PEX7: variants seen among roughly 807,000 people sequenced by gnomAD.
PEX7 encodes peroxisomal biogenesis factor 7.
A neutral mutation model predicts 47.5 loss-of-function variants in PEX7; 34 were observed. The ratio of observed to expected loss-of-function variants is 0.72; its 90% CI spans 0.54 to 0.95. The LOEUF (loss-of-function observed/expected upper bound fraction) is 0.95, where lower values mean the gene tolerates loss of function less well. Among genes scored for constraint, PEX7 ranks in the 40% least tolerant of loss-of-function variants. The pLI is 0.00. For missense variants in PEX7, 394 were observed against 400.3 expected (o/e 0.98, Z 0.13); for synonymous variants, 141 against 148.8 (o/e 0.95, Z 0.38).
intron 8 of PEX7, among the ~76,000 whole-genome samples, chr6:136,887,244 ATAATT>A (rs1414816437): frequency 1.3e-5 from 2 of 152,152 alleles, no homozygotes; most frequent in African/African-American, 4.8e-5. Flanking sequence ...TAGCTATATT[ATAATT>A]TAATTGTATA....
Position 136,913,525 on chromosome 6 carries a change from G to A in PEX7, c.971G>A (p.Ter324=), listed in dbSNP as rs374574552. Residue 324 remains the stop codon, a stop_retained_variant, in exon 10 of 10, where the codon TGA becomes TAA. Transcript: ENST00000318471. ...YDPACLTIPA[*] Reference sequence around the variant, plus strand: ...CCTGCTTGTCTTACTATTCCTGCTTGAGATACACTACTTTGGTCAGAAACA... The same window carrying A: ...CCTGCTTGTCTTACTATTCCTGCTTAAGATACACTACTTTGGTCAGAAACA... 8.3e-5 allele frequency: 133 copies of A among 1,600,912 alleles called. No individual in the cohort carries two copies. Among genetic ancestry groups the A allele is most frequent in the Non-Finnish European group, 1.1e-4 (125 of 1,168,564 alleles).
intron 1 of PEX7, chr6:136,823,017 C>G: frequency 6.1e-6 from 6 of 985,448 alleles, no homozygotes; most frequent in Non-Finnish European, 7.2e-6. Context: ...TGTGCAAGTG[C>G]ATATACGTGT....
chr6:136,824,432 G>T (rs1774151653), intron 1 of PEX7, among the ~76,000 whole-genome samples: 1 of 151,990 alleles, frequency 6.6e-6, no homozygotes, highest in Non-Finnish European at 1.5e-5. Context: ...TCCGGAACTG[G>T]GTGCAAGCGA....
At chr6:136,845,793 T>G (rs1774587343) in intron 4 of PEX7, 101 bp downstream of exon 4, 1 of 818,660 alleles carries the variant, frequency 1.2e-6, no homozygotes. Context: ...GCTCTATGAT[T>G]CGACAGCTGA....
intron 3 of PEX7, chr6:136,830,258 G>T: frequency 2.1e-6 from 1 of 480,978 alleles, no homozygotes; most frequent in Non-Finnish European, 3.6e-6. Context: ...ATATGAGCTA[G>T]TATTATTATT....
intron 8 of PEX7, among the ~76,000 whole-genome samples, chr6:136,877,033 A>G (rs894792269): frequency 8.5e-5 from 13 of 152,134 alleles, no homozygotes; most frequent in Admixed American, 7.2e-4. Flanking sequence ...TCACCATTCT[A>G]ACTGTTGTGA....
chr6:136,913,324 T>C (rs750649382), intron 9 of PEX7, 134 bp from the exon 10 acceptor site: 24 of 704,076 alleles, frequency 3.4e-5, no homozygotes, highest in Middle Eastern at 2.6e-4. Context: ...AACGTAGCCC[T>C]ATGTTTTCCC....
intron 5 of PEX7, among the ~76,000 whole-genome samples, chr6:136,864,797 G>T (rs1327638811): frequency 1.3e-5 from 2 of 152,116 alleles, no homozygotes; most frequent in African/African-American, 4.8e-5. Flanking sequence ...CTTAGACAGC[G>T]CTGCATGTTG....
intron 9 of PEX7, among the ~76,000 whole-genome samples, chr6:136,903,168 G>A (rs1377225205): frequency 6.6e-6 from 1 of 151,978 alleles, no homozygotes; most frequent in Non-Finnish European, 1.5e-5. Flanking sequence ...ATCCAGAAGT[G>A]ACTACCCCTG....
chr6:136,870,120 T>G, intron 7 of PEX7, 117 bp downstream of exon 7: 1 of 637,710 alleles, frequency 1.6e-6, no homozygotes, highest in Non-Finnish European at 2.5e-6. Flanking sequence ...CTTTTTTATA[T>G]GTGTTTTTGT....
chr6:136,833,187 A>G (rs1041291480), intron 3 of PEX7, among the ~76,000 whole-genome samples: 39 of 152,148 alleles, frequency 2.6e-4, no homozygotes, highest in African/African-American at 9.2e-4. Context: ...TAGGAAACTT[A>G]CAATCATGGT....
intron 8 of PEX7, among the ~76,000 whole-genome samples, chr6:136,886,700 T>G (rs1478969011): frequency 6.6e-6 from 1 of 152,108 alleles, no homozygotes; most frequent in East Asian, 1.9e-4. Flanking sequence ...TGGTGCAGCA[T>G]GAACCAGGAC....
intron 9 of PEX7, among the ~76,000 whole-genome samples, chr6:136,912,328 T>C (rs1457841729): frequency 6.6e-6 from 1 of 150,928 alleles, no homozygotes; most frequent in Non-Finnish European, 1.5e-5. Context: ...ATATTTTCCT[T>C]TTTTTTTTTC....
At chr6:136,904,062 A>G (rs1221466342) in intron 9 of PEX7, among the ~76,000 whole-genome samples, 2 of 152,144 alleles carry the variant, frequency 1.3e-5, no homozygotes, top group Non-Finnish European at 2.9e-5. Flanking sequence ...CAGTAGATAA[A>G]AGTATTTAAG....
At chr6:136,825,396 A>G in intron 2 of PEX7, 125 bp downstream of exon 2, 1 of 780,124 alleles carries the variant, frequency 1.3e-6, no homozygotes. Flanking sequence ...TTTGCATAGG[A>G]TGAAGCTTAT....
rs755575082 is a variant in PEX7 at position 136,913,493 on chromosome 6, C to A, written c.939C>A (p.Ile313=). ...GTTCTTGGGATGAAACAATAAAGAT[C>A]TATGACCCTGCTTGTCTTACTATTC... is the stretch of plus-strand genomic sequence containing the variant. ...ADCSWDETIK[I]YDPACLTIPA Residue 313 remains isoleucine, a synonymous_variant, in exon 10 of 10, where the codon ATC becomes ATA. Coordinates refer to ENST00000318471, the MANE Select transcript of PEX7 (RefSeq NM_000288.4). 1 of 1,612,580 alleles carries A rather than the reference C, an allele frequency of 6.2e-7. No individual in the cohort carries two copies. The highest frequency in any genetic ancestry group is 8.5e-7 in the Non-Finnish European group (1 of 1,178,970).
intron 5 of PEX7, 67 bp downstream of exon 5, chr6:136,846,248 G>A: frequency 1.2e-6 from 1 of 867,486 alleles, no homozygotes; most frequent in Non-Finnish European, 1.9e-6. Context: ...TTACCATTAG[G>A]TGGCGCTGTG....
chr6:136,883,450 C>T (rs112151407), intron 8 of PEX7, among the ~76,000 whole-genome samples: 76 of 152,244 alleles, frequency 5.0e-4, no homozygotes, highest in Non-Finnish European at 6.8e-4. Context: ...TGTTTTACAC[C>T]GTCGATCATA....
chr6:136,847,609 C>G (rs1051015902), intron 5 of PEX7, among the ~76,000 whole-genome samples: 1 of 151,878 alleles, frequency 6.6e-6, no homozygotes, highest in Non-Finnish European at 1.5e-5. Context: ...GGAATCCTTT[C>G]CCCATTGCTT....
Sources: allele counts gnomAD v4.1 joint callset (sites outside exome capture counted in the v4.1 genomes callset), GRCh38; gene constraint gnomAD v4.1.1; transcripts MANE v1.5; gene names NCBI Gene and HGNC (gene_info 2026-07-23, HGNC 2026-07-21).